Variants in RPP30 observed in about 807,000 individuals in gnomAD.
RPP30 encodes ribonuclease P/MRP subunit p30.
Under a neutral mutation model 38.6 loss-of-function variants are expected in RPP30, and 36 were observed. That is an observed-to-expected ratio of 0.93 (90% CI 0.71 to 1.23). RPP30 has a LOEUF of 1.23. RPP30 is among the 50% of genes most tolerant of loss of function. RPP30 has a pLI of 0.00. For synonymous variants in RPP30, 126 were observed against 112.7 expected (o/e 1.12, Z -0.75); for missense variants, 321 against 321.7 (o/e 1.00, Z 0.02).
intron 4 of RPP30, 133 bp from the exon 5 acceptor site, chr10:90,878,930 A>G (rs1846887417): frequency 3.0e-6 from 2 of 664,140 alleles, no homozygotes; most frequent in Non-Finnish European, 5.0e-6. Flanking sequence ...CTGCCAACAT[A>G]CAAAGCAAAG....
intron 6 of RPP30, among the ~76,000 whole-genome samples, chr10:90,891,173 G>T (rs141491685): frequency 1.3e-5 from 2 of 152,340 alleles, no homozygotes; most frequent in Non-Finnish European, 2.9e-5. Flanking sequence ...AAATCAAGGT[G>T]TCAGCATGGT....
intron 6 of RPP30, among the ~76,000 whole-genome samples, 181 bp downstream of exon 6, chr10:90,886,082 A>G (rs1846996772): frequency 6.6e-6 from 1 of 152,258 alleles, no homozygotes; most frequent in Admixed American, 6.5e-5. Context: ...GCTTAAAATT[A>G]AAAATATCCA....
downstream of RPP30, among the ~76,000 whole-genome samples, chr10:90,904,662 A>G (rs1847235156): frequency 6.6e-6 from 1 of 152,052 alleles, no homozygotes; most frequent in South Asian, 2.1e-4. Context: ...AAAATACAAA[A>G]TCAGCCAGGC....
chr10:90,900,115 A>G (rs901329013), intron 10 of RPP30, among the ~76,000 whole-genome samples: 2 of 152,230 alleles, frequency 1.3e-5, no homozygotes, highest in Non-Finnish European at 2.9e-5. Flanking sequence ...ATATAATGCA[A>G]TTGATTCTTC....
In RPP30 at chr10:90,895,866, T is replaced by G; in HGVS notation, c.580-14T>G. 1 of 1,578,492 alleles carries G rather than the reference T, an allele frequency of 6.3e-7. No individual in the cohort carries two copies. The highest frequency in any genetic ancestry group is 8.7e-7 in the Non-Finnish European group (1 of 1,155,340). ...TAATTTTCTCATATCTACTCTTTGT[T>G]CATTTTATTTCAGCCTTTAGAAATA... On this transcript the variant is annotated splice_polypyrimidine_tract_variant and intron_variant, in intron 8 of 10. Coordinates refer to ENST00000371703, the MANE Select transcript of RPP30 (RefSeq NM_006413.5).
At chr10:90,888,825 C>T (rs1847036337) in intron 6 of RPP30, among the ~76,000 whole-genome samples, 2 of 152,088 alleles carry the variant, frequency 1.3e-5, no homozygotes, top group Admixed American at 1.3e-4. Flanking sequence ...AAAATTCTGT[C>T]AAGTGAGAGG....
At chr10:90,894,645 C>T in intron 6 of RPP30, 130 bp from the exon 7 acceptor site, 1 of 709,622 alleles carries the variant, frequency 1.4e-6, no homozygotes, top group Non-Finnish European at 2.5e-6. Flanking sequence ...ATCTGTCTTT[C>T]ATAAAGCTGT....
In RPP30 at chr10:90,901,354, A is replaced by G. The variant is rs1564570304; in HGVS notation, c.*675A>G. 1 of 982,890 alleles carries G rather than the reference A, an allele frequency of 1.0e-6. No homozygotes were observed. The highest frequency in any genetic ancestry group is 1.2e-6 in the Non-Finnish European group (1 of 827,722). The allele number at this position is 982,890 out of a possible 1,614,324, so 60.9% of individuals were successfully genotyped here. A position where few individuals can be genotyped will look rare whatever the true frequency, so the allele number is the denominator to read the frequency against. ...TACTCAAATAGTAGTTATTTTGAAG[A>G]TATTCAAACTTATATTGAAGAAGTG... On this transcript the variant is annotated 3_prime_UTR_variant, in exon 11 of 11. Transcript: ENST00000371703.
chr10:90,891,924 G>A (rs1316646993), intron 6 of RPP30, among the ~76,000 whole-genome samples: 1 of 152,122 alleles, frequency 6.6e-6, no homozygotes, highest in East Asian at 1.9e-4. Flanking sequence ...CACTGAAAGG[G>A]TTTCATTCAT....
intron 6 of RPP30, among the ~76,000 whole-genome samples, chr10:90,893,296 C>T (rs557354215): frequency 6.6e-6 from 1 of 152,262 alleles, no homozygotes; most frequent in African/African-American, 2.4e-5. Context: ...ACAAGTTTCT[C>T]CATTCCCCGT....
rs756880890 is a variant in RPP30, at chr10:90,895,906, C to T, written c.606C>T (p.Asp202=). The part of the protein sequence containing the change: ...ERPLEIRGPY[D]VANLGLLFGL... ...CTTTAGAAATAAGAGGGCCATATGA[C>T]GTGGCAAATCTGTATCCTTTTCTGA... Residue 202 remains aspartate (D), a synonymous_variant, in exon 9 of 11, where the codon GAC becomes GAT. Transcript: ENST00000371703. 1.1e-5 allele frequency: 17 copies of T among 1,597,332 alleles called. No homozygotes were observed. Among genetic ancestry groups the T allele is most frequent in the Non-Finnish European group, 1.4e-5 (16 of 1,172,114 alleles).
intron 4 of RPP30, 55 bp from the exon 5 acceptor site, chr10:90,879,008 A>G (rs1846888949): frequency 7.0e-7 from 1 of 1,435,024 alleles, no homozygotes; most frequent in East Asian, 2.3e-5. Flanking sequence ...ACTAGACAGA[A>G]TTTCATGTGT....
In RPP30 at chr10:90,876,102, A is replaced by G. The variant is rs1564710206; in HGVS notation, c.270+4A>G. On this transcript the variant is annotated splice_donor_region_variant and intron_variant, in intron 4 of 10. Transcript: ENST00000371703. ...TCCATCTCACTGCAATGTTTTGGTA[A>G]GTTAATTATTTTTCTTCTCTCCTTT... The G allele has an allele frequency of 6.5e-7, 1 of 1,538,898 alleles. No individual in the cohort carries two copies.
At chr10:90,879,810 A>C (rs1011205301) in intron 5 of RPP30, among the ~76,000 whole-genome samples, 1 of 152,216 alleles carries the variant, frequency 6.6e-6, no homozygotes, top group African/African-American at 2.4e-5. Context: ...GATTACAGTA[A>C]GGAAAAAACA....
chr10:90,873,219 T>TA (rs1016193211), intron 1 of RPP30, among the ~76,000 whole-genome samples: 4 of 152,176 alleles, frequency 2.6e-5, no homozygotes, highest in Non-Finnish European at 5.9e-5. Context: ...CTGAACACAT[T>TA]AAAAAAATTA....
downstream of RPP30, chr10:90,905,840 A>G (rs1847248412): frequency 6.6e-6 from 1 of 152,220 alleles, no homozygotes; most frequent in South Asian, 2.1e-4. Flanking sequence ...TAACTGGTTA[A>G]TTATAAAGGG....
chr10:90,890,487 C>T (rs764995032), intron 6 of RPP30, among the ~76,000 whole-genome samples: 16 of 152,052 alleles, frequency 1.1e-4, no homozygotes, highest in Admixed American at 2.0e-4. Context: ...CTTCGTGGTC[C>T]GATTACTCCC....
chr10:90,886,261 C>A (rs2120204763), intron 6 of RPP30, among the ~76,000 whole-genome samples: 1 of 152,178 alleles, frequency 6.6e-6, no homozygotes, highest in South Asian at 2.1e-4. Context: ...GCAGAGGATC[C>A]TTGAGGCACC....
rs1847190653 is a variant in RPP30, at chr10:90,900,718, CT to C, written c.*43del. ...GTCTCTGTCAGCACTCCCTTCTTCCCTTTTATAGTTCATCAGCCACAACAAA... is the reference window on the plus strand; with the variant it reads ...GTCTCTGTCAGCACTCCCTTCTTCCCTTTATAGTTCATCAGCCACAACAAA... On this transcript the variant is annotated 3_prime_UTR_variant, in exon 11 of 11. Coordinates refer to ENST00000371703, the MANE Select transcript of RPP30 (RefSeq NM_006413.5). 1.3e-5 allele frequency: 20 copies of C among 1,582,652 alleles called. No individual in the cohort carries two copies. Among genetic ancestry groups the C allele is most frequent in the Non-Finnish European group, 1.7e-5 (20 of 1,167,852 alleles).
Sources: allele counts gnomAD v4.1 joint callset (sites outside exome capture counted in the v4.1 genomes callset), GRCh38; gene constraint gnomAD v4.1.1; transcripts MANE v1.5; gene names NCBI Gene and HGNC (gene_info 2026-07-23, HGNC 2026-07-21).